The following ABCC8 variants were observed in gnomAD, a reference collection of about 807,000 sequenced individuals.
The protein encoded by ABCC8 is ATP-binding cassette sub-family C member 8.
A neutral mutation model predicts 188.0 loss-of-function variants in ABCC8; 137 were observed. That is an observed-to-expected ratio of 0.73 (90% confidence interval 0.63 to 0.84). The LOEUF is 0.84. Ranked by LOEUF, ABCC8 falls within the 40% of genes least tolerant of loss-of-function variation. The probability of loss-of-function intolerance (pLI) is 0.00; values close to 1 mark genes in which losing one functional copy is unlikely to be tolerated. For missense variants in ABCC8, 1,750 were observed against 2,072.7 expected (o/e 0.84, Z 3.02); for synonymous variants, 797 against 846.5 (o/e 0.94, Z 1.01).
intron 17 of ABCC8, 121 bp from the exon 18 acceptor site, chr11:17,415,460 T>G: frequency 6.5e-7 from 1 of 1,541,178 alleles, no homozygotes; most frequent in Non-Finnish European, 8.7e-7. Context: ...GGACCCAGTC[T>G]GTAGCCACAA....
intron 2 of ABCC8, among the ~76,000 whole-genome samples, chr11:17,471,723 T>C (rs1848490038): frequency 6.6e-6 from 1 of 152,186 alleles, no homozygotes; most frequent in Non-Finnish European, 1.5e-5. Context: ...AGCCACCTTG[T>C]GACCATGGGG....
intron 21 of ABCC8, 21 bp downstream of exon 21, chr11:17,412,645 C>T: frequency 1.2e-6 from 2 of 1,605,422 alleles, no homozygotes; most frequent in South Asian, 1.1e-5. Flanking sequence ...AGACCAGGAC[C>T]CCAAGGGAAC....
chr11:17,433,259 A>T (rs1440748137), intron 10 of ABCC8, among the ~76,000 whole-genome samples: 3 of 152,146 alleles, frequency 2.0e-5, no homozygotes, highest in African/African-American at 7.2e-5. Context: ...TCATTCAAGG[A>T]TCCCCTTCCA....
At chr11:17,445,966 C>CA (rs1956510197) in intron 8 of ABCC8, among the ~76,000 whole-genome samples, 1 of 134,276 alleles carries the variant, frequency 7.4e-6, no homozygotes, top group Non-Finnish European at 1.6e-5. Flanking sequence ...AACCTGATTT[C>CA]TTTTTTTTTT....
At chr11:17,467,529 G>A (rs11826789) in intron 3 of ABCC8, among the ~76,000 whole-genome samples, 2,575 of 152,212 alleles carry the variant, frequency 0.017, 77 homozygotes, top group African/African-American at 0.06. Flanking sequence ...TCTGCCTGAA[G>A]CACTCTTTCC....
intron 6 of ABCC8, among the ~76,000 whole-genome samples, chr11:17,460,039 C>T (rs186606306): frequency 2.0e-5 from 3 of 152,344 alleles, no homozygotes; most frequent in Admixed American, 2.0e-4. Flanking sequence ...CCACTTCTCT[C>T]TCCTCTGACA....
intron 17 of ABCC8, among the ~76,000 whole-genome samples, chr11:17,416,192 C>A (rs1053521786): frequency 1.3e-5 from 2 of 152,156 alleles, no homozygotes; most frequent in Non-Finnish European, 2.9e-5. Context: ...CAAAGCTGAG[C>A]CAACCTTCCC....
intron 16 of ABCC8, among the ~76,000 whole-genome samples, chr11:17,425,349 C>T (rs552488790): frequency 2.0e-5 from 3 of 152,284 alleles, no homozygotes; most frequent in Admixed American, 1.3e-4. Context: ...ATGCAGGAAA[C>T]GGGGGTGCAT....
intron 36 of ABCC8, 137 bp from the exon 37 acceptor site, chr11:17,394,536 C>T (rs1009938137): frequency 1.8e-5 from 26 of 1,471,978 alleles, no homozygotes; most frequent in South Asian, 2.4e-5. Flanking sequence ...AGAGCACAGG[C>T]GTGTGCAGGG....
At chr11:17,435,610 GAAAC>G (rs1956056783) in intron 10 of ABCC8, 2 of 1,395,722 alleles carry the variant, frequency 1.4e-6, no homozygotes, top group South Asian at 2.3e-5. Flanking sequence ...ATAAAAGTGA[GAAAC>G]AGAAAGATGG....
intron 3 of ABCC8, among the ~76,000 whole-genome samples, chr11:17,469,143 C>A (rs1168812172): frequency 1.4e-5 from 2 of 146,224 alleles, no homozygotes; most frequent in Non-Finnish European, 3.0e-5. Flanking sequence ...CCAGGCTGGA[C>A]TGCAGTGGCG....
chr11:17,402,879 T>C, intron 28 of ABCC8, 126 bp from the exon 29 acceptor site: 3 of 1,199,774 alleles, frequency 2.5e-6, no homozygotes, highest in Non-Finnish European at 3.6e-6. Flanking sequence ...CCTCAGCTTC[T>C]TACCCCGTGA....
intron 12 of ABCC8, 87 bp from the exon 13 acceptor site, chr11:17,428,757 A>C: frequency 6.3e-7 from 1 of 1,575,782 alleles, no homozygotes; most frequent in Admixed American, 1.8e-5. Flanking sequence ...AGCTCTGAGC[A>C]GGATCTCAGG....
chr11:17,470,521 C>T (rs552600906), intron 2 of ABCC8, among the ~76,000 whole-genome samples: 111 of 152,286 alleles, frequency 7.3e-4, no homozygotes, highest in African/African-American at 2.6e-3. Context: ...CCAGTGACAG[C>T]CCCATTTAAC....
At chr11:17,463,635 C>A in intron 3 of ABCC8, 31 bp from the exon 4 acceptor site, 1 of 1,557,752 alleles carries the variant, frequency 6.4e-7, no homozygotes, top group Non-Finnish European at 8.7e-7. Context: ...ATCGCAGAGA[C>A]GTGTGTGCAT....
chr11:17,437,876 A>G (rs1956169010), intron 10 of ABCC8, among the ~76,000 whole-genome samples: 1 of 152,232 alleles, frequency 6.6e-6, no homozygotes, highest in Non-Finnish European at 1.5e-5. Flanking sequence ...AGGCAGGTGG[A>G]TCACCTGAGG....
chr11:17,403,370 T>A (rs888488109), intron 28 of ABCC8, among the ~76,000 whole-genome samples: 1 of 152,194 alleles, frequency 6.6e-6, no homozygotes, highest in Non-Finnish European at 1.5e-5. Flanking sequence ...ATAAACCATC[T>A]CCAGGGTCAG....
intron 26 of ABCC8, 38 bp from the exon 27 acceptor site, chr11:17,405,601 A>G: frequency 1.2e-6 from 2 of 1,614,104 alleles, no homozygotes; most frequent in Non-Finnish European, 1.7e-6. Context: ...TCATTTGTCC[A>G]TTGATTTACT....
At chr11:17,470,349 C>T in intron 2 of ABCC8, 127 bp from the exon 3 acceptor site, 4 of 1,519,134 alleles carry the variant, frequency 2.6e-6, no homozygotes, top group South Asian at 1.2e-5. Flanking sequence ...CTGCAGGGCC[C>T]TTTAGTTAAT....
Sources: gnomAD v4.1 joint callset for allele counts (sites outside exome capture counted in the v4.1 genomes callset) on GRCh38, gnomAD v4.1.1 for gene constraint, MANE v1.5 for transcripts, NCBI Gene and HGNC (gene_info 2026-07-23, HGNC 2026-07-21) for gene names.